POLD1: variants seen among roughly 807,000 people sequenced by gnomAD.
POLD1 encodes the protein DNA polymerase delta 1, catalytic subunit, also known as DNA polymerase delta catalytic subunit.
In POLD1, 79 loss-of-function variants were observed where a neutral mutation model predicts 129.7. The ratio of observed to expected loss-of-function variants is 0.61; its 90% CI spans 0.51 to 0.73. POLD1 has a LOEUF of 0.73. Among genes scored for constraint, POLD1 ranks in the 30% least tolerant of loss-of-function variants. The pLI is 0.00. For synonymous variants in POLD1, 714 were observed against 683.3 expected (o/e 1.04, Z -0.70); for missense variants, 1,338 against 1,595.8 (o/e 0.84, Z 2.75).
chr19:50,417,797 C>A, intron 26 of POLD1, 45 bp from the exon 27 acceptor site: 1 of 1,287,424 alleles, frequency 7.8e-7, no homozygotes, highest in Non-Finnish European at 1.1e-6. Flanking sequence ...AGGCTGGGCA[C>A]TGGGCCTTGG....
chr19:50,401,880 A>G lies in POLD1; in HGVS notation c.419A>G (p.His140Arg), dbSNP rs1601198706. 4.3e-6 allele frequency: 7 copies of G among 1,613,972 alleles called. No homozygotes were observed. Among genetic ancestry groups the G allele is most frequent in the East Asian group, 2.2e-5 (1 of 44,848 alleles). The change falls in exon 4 of 27, where the codon CAC becomes CGC. Residue 140 changes from histidine (H) to arginine (R), a missense_variant. Coordinates refer to ENST00000440232, the MANE Select transcript of POLD1 (RefSeq NM_002691.4). The stretch of plus-strand genomic sequence containing the variant: ...GATGAGGGGTTCTCTGTCTGCTGCC[A>G]CATCCACGGCTTCGCTCCCTACTTC... ...VTDEGFSVCCHIHGFAPYFYT... is the reference protein window; with the variant it reads ...VTDEGFSVCCRIHGFAPYFYT...
intron 19 of POLD1, 60 bp from the exon 20 acceptor site, chr19:50,414,755 G>A (rs1219726857): frequency 1.6e-5 from 21 of 1,335,444 alleles, no homozygotes; most frequent in Admixed American, 5.3e-5. Context: ...TCTGGGGGGC[G>A]TCTCCAGATT....
intron 14 of POLD1, 35 bp from the exon 15 acceptor site, chr19:50,408,750 G>C (rs1439754492): frequency 6.2e-7 from 1 of 1,610,692 alleles, no homozygotes; most frequent in South Asian, 1.1e-5. Context: ...GGAACTCCTA[G>C]CCCTGACTCC....
At position 50,413,786 on chromosome 19, in the gene POLD1, G is replaced by A. The variant is rs1320224014; in HGVS notation, c.2295G>A (p.Val765=). The A allele has an allele frequency of 6.2e-7, 1 of 1,612,162 alleles. No homozygotes were observed. Among genetic ancestry groups the A allele is most frequent in the South Asian group, 1.1e-5 (1 of 91,000 alleles). ...DTDSVMCRFG[V]SSVAEAMALG... ...ACTCCGTCATGTGCCGATTCGGCGT[G>A]TCCTCGGTGGCTGAGGCGATGGCCC... Residue 765 remains valine (V), a synonymous_variant, in exon 19 of 27, where the codon GTG becomes GTA. Coordinates refer to ENST00000440232, the MANE Select transcript of POLD1 (RefSeq NM_002691.4).
chr19:50,396,024 T>C (rs1445222589), intron 1 of POLD1, among the ~76,000 whole-genome samples: 1 of 149,218 alleles, frequency 6.7e-6, no homozygotes, highest in East Asian at 2.0e-4. Flanking sequence ...AGTGAACTTT[T>C]TTGTTGTGGT....
chr19:50,403,454 G>A lies in POLD1; in HGVS notation c.1138-39G>A, dbSNP rs746647802. ...CTGGAAGTAGGGGAATCCGAGGCAGGGCAACCACCAGGGTGACCCAATGTG... is the reference window on the plus strand; with the variant it reads ...CTGGAAGTAGGGGAATCCGAGGCAGAGCAACCACCAGGGTGACCCAATGTG... On this transcript the variant is annotated intron_variant, in intron 9 of 26. Coordinates refer to ENST00000440232, the MANE Select transcript of POLD1 (RefSeq NM_002691.4). 1.2e-5 allele frequency: 18 copies of A among 1,470,540 alleles called. No individual in the cohort carries two copies. The Admixed American group carries it at 2.7e-4, about 22-fold the overall frequency. The allele number at this position is 1,470,540 out of a possible 1,614,324, so 91.1% of individuals were successfully genotyped here.
At chr19:50,387,278 A>C (rs1298189284) in intron 1 of POLD1, among the ~76,000 whole-genome samples, 1 of 152,120 alleles carries the variant, frequency 6.6e-6, no homozygotes, top group Admixed American at 6.6e-5. Flanking sequence ...ATCCTTTCCC[A>C]AAAAAATATA....
At chr19:50,407,823 C>T (rs371837506) in intron 14 of POLD1, among the ~76,000 whole-genome samples, 2 of 149,008 alleles carry the variant, frequency 1.3e-5, no homozygotes, top group Middle Eastern at 3.2e-3. Context: ...CCACCTGCCT[C>T]GGCCTCCCAA....
intron 10 of POLD1, among the ~76,000 whole-genome samples, chr19:50,404,363 T>C (rs369841108): frequency 7.2e-6 from 1 of 138,866 alleles, no homozygotes; most frequent in African/African-American, 3.0e-5. Context: ...CCCAGGTTCA[T>C]GCCATTCTCC....
intron 20 of POLD1, 115 bp downstream of exon 20, chr19:50,415,105 C>T: frequency 2.0e-6 from 2 of 982,250 alleles, no homozygotes; most frequent in Non-Finnish European, 2.9e-6. Flanking sequence ...GTCCAGGCCC[C>T]CAGCCCCCTC....
Position 50,407,145 on chromosome 19 carries a change from G to A in POLD1, c.1657G>A (p.Val553Ile), listed in dbSNP as rs1213970824. The A allele has an allele frequency of 6.2e-7, 1 of 1,611,780 alleles. No homozygotes were observed. The highest frequency in any genetic ancestry group is 8.5e-7 in the Non-Finnish European group (1 of 1,178,732). Residue 553 changes from valine (V) to isoleucine (I), a missense_variant, in exon 13 of 27, where the codon GTC becomes ATC. Around this residue, in one of 3 missense-constraint regions of POLD1, gnomAD observed 720 missense variants for 1,002.6 expected, o/e 0.72. Coordinates refer to ENST00000440232, the MANE Select transcript of POLD1 (RefSeq NM_002691.4). ...LSYLLSRGQQ[V>I]KVVSQLLRQA... ...CTACCTGCTCAGTCGTGGCCAGCAG[G>A]TCAAGGTCGTATCCCAGCTGTTGCG...
rs772192179 is a variant in POLD1 at position 50,413,728 on chromosome 19, C to A, written c.2251-14C>A. The A allele has an allele frequency of 6.3e-7, 1 of 1,588,310 alleles. No homozygotes were observed. Among genetic ancestry groups the A allele is most frequent in the Middle Eastern group, 1.7e-4 (1 of 5,926 alleles). ...ACCCTGCTTCTCACATACACACATC[C>A]CCACCGCCCGCAGGTGGTGTATGGT... On this transcript the variant is annotated splice_polypyrimidine_tract_variant and intron_variant, in intron 18 of 26. Coordinates refer to ENST00000440232, the MANE Select transcript of POLD1 (RefSeq NM_002691.4).
In POLD1 at chr19:50,409,573, T is replaced by C. The variant is rs1568631452; in HGVS notation, c.2061T>C (p.Asp687=). Residue 687 remains aspartate, a synonymous_variant, in exon 17 of 27, where the codon GAT becomes GAC. Transcript: ENST00000440232. The surrounding 1 kb of genome is among the most constrained non-coding windows in gnomAD (Gnocchi z 5.8). ...ETDPLRRQVL[D]GRQLALKVSA... ...ACCCCCTCCGGCGCCAGGTCCTGGA[T>C]GGACGGCAGCTGGCGCTGAAGGTGA... 6.2e-7 allele frequency: 1 copy of C among 1,613,446 alleles called. No homozygotes were observed. The highest frequency in any genetic ancestry group is 8.5e-7 in the Non-Finnish European group (1 of 1,180,004).
Position 50,402,072 on chromosome 19 carries a change from G to A in POLD1, c.537G>A (p.Gly179=), listed in dbSNP as rs756483178. The A allele has an allele frequency of 6.2e-7, 1 of 1,614,072 alleles. No homozygotes were observed. The highest frequency in any genetic ancestry group is 1.1e-5 in the South Asian group (1 of 91,066). Reference sequence around the variant, plus strand: ...CCATCAGCCGGGACAGTCGCGGGGGGAGGGAGCTGACTGGGCCGGCCGTGC... The same window carrying A: ...CCATCAGCCGGGACAGTCGCGGGGGAAGGGAGCTGACTGGGCCGGCCGTGC... ...NLAISRDSRG[G]RELTGPAVLA... is the part of the protein sequence containing the mutation. Residue 179 remains glycine, a synonymous_variant, in exon 5 of 27, where the codon GGG becomes GGA. Transcript: ENST00000440232.
Position 50,406,946 on chromosome 19 carries a change from A to G in POLD1, c.1495-37A>G. The G allele has an allele frequency of 1.3e-6, 2 of 1,483,334 alleles. No homozygotes were observed. The highest frequency in any genetic ancestry group is 1.8e-6 in the Non-Finnish European group (2 of 1,100,250). 91.9% of individuals were successfully genotyped at this position (1,483,334 alleles called of 1,614,324 possible). ...TCTCCTGCTCCACCTCCCACCCCCA[A>G]CCCCTGGTCCCTGACCCCATCCGTG... On this transcript the variant is annotated intron_variant, in intron 12 of 26. Coordinates refer to ENST00000440232, the MANE Select transcript of POLD1 (RefSeq NM_002691.4). The surrounding 1 kb of genome is among the most constrained non-coding windows in gnomAD (Gnocchi z 5.5).
intron 1 of POLD1, among the ~76,000 whole-genome samples, chr19:50,393,008 CAGTT>C (rs2038225028): frequency 3.3e-5 from 5 of 152,212 alleles, no homozygotes; most frequent in African/African-American, 1.2e-4. Flanking sequence ...TGGGGGAGGA[CAGTT>C]AGGTGGTTTC....
rs147788095 is a variant in POLD1 at position 50,403,361 on chromosome 19, A to G, written c.1138-132A>G. On this transcript the variant is annotated intron_variant, in intron 9 of 26. Coordinates refer to ENST00000440232, the MANE Select transcript of POLD1 (RefSeq NM_002691.4). ...GTGGGTCTGGGTGGGCCCCTGTGCA[A>G]TTAGGCTTGAGCACTTCCCCTCTGG... 1.3e-4 allele frequency: 144 copies of G among 1,118,466 alleles called. No homozygotes were observed. The African/African-American group carries it at 1.6e-3, about 12-fold the overall frequency. The allele number at this position is 1,118,466 out of a possible 1,614,324, so 69.3% of individuals were successfully genotyped here.
intron 1 of POLD1, among the ~76,000 whole-genome samples, chr19:50,390,299 C>T (rs1324320977): frequency 2.6e-5 from 4 of 151,662 alleles, no homozygotes; most frequent in South Asian, 2.1e-4. Flanking sequence ...AAGGGAAAAC[C>T]GAAGCATAGG....
chr19:50,390,217 CT>C (rs2038109399), intron 1 of POLD1, among the ~76,000 whole-genome samples: 1 of 150,164 alleles, frequency 6.7e-6, no homozygotes, highest in East Asian at 1.9e-4. Flanking sequence ...CCAATAATTT[CT>C]TTTTTTCTTT....
Sources: gnomAD v4.1 joint callset for allele counts (sites outside exome capture counted in the v4.1 genomes callset) on GRCh38, gnomAD v4.1.1 for gene constraint, gnomAD v4.1.1 regional missense constraint, Gnocchi (gnomAD v3.1) non-coding constraint, MANE v1.5 for transcripts, NCBI Gene and HGNC (gene_info 2026-07-23, HGNC 2026-07-21) for gene names.